Variants in HM13 observed in about 807,000 individuals in gnomAD.
HM13 encodes signal peptide peptidase.
HM13 carries 18 observed loss-of-function variants against 50.0 expected under a neutral mutation model. The ratio of observed to expected loss-of-function variants is 0.36; its 90% CI spans 0.25 to 0.53. HM13 has a LOEUF of 0.53. Among genes scored for constraint, HM13 ranks in the 20% least tolerant of loss-of-function variants. The probability of loss-of-function intolerance (pLI) is 0.90; values close to 1 mark genes in which losing one functional copy is unlikely to be tolerated. For missense variants in HM13, 393 were observed against 552.4 expected, an observed-to-expected ratio of 0.71 and a Z score of 2.89; for synonymous variants, 197 against 232.6, an observed-to-expected ratio of 0.85 and a Z score of 1.39.
In HM13 at chr20:31,549,260, G is replaced by T; in HGVS notation, c.594G>T (p.Glu198Asp). Reference protein sequence around the residue: ...FGLAFSLNGVELLHLNNVSTG... With the variant: ...FGLAFSLNGVDLLHLNNVSTG... ...TGGCCTTCTCCCTTAATGGAGTAGAGCTCCTGCACCTCAACAATGTCAGCA... is the reference window on the plus strand; with the variant it reads ...TGGCCTTCTCCCTTAATGGAGTAGATCTCCTGCACCTCAACAATGTCAGCA... The change falls in exon 6 of 13, where the codon GAG becomes GAT. Residue 198 changes from glutamate (E) to aspartate (D), a missense_variant. By Grantham distance (45) the Glu-to-Asp change is conservative (BLOSUM62 2). This residue lies in a region of HM13 where 214 missense variants were observed against 276.1 expected (regional missense o/e 0.77). Coordinates refer to ENST00000398174, the MANE Select transcript of HM13 (RefSeq NM_178581.3). 1.9e-6 allele frequency: 3 copies of T among 1,614,190 alleles called. No homozygotes were observed. Among genetic ancestry groups the T allele is most frequent in the Non-Finnish European group, 2.5e-6 (3 of 1,180,038 alleles).
chr20:31,515,719 C>T (rs971251406), intron 1 of HM13, among the ~76,000 whole-genome samples: 1 of 152,130 alleles, frequency 6.6e-6, no homozygotes, highest in African/African-American at 2.4e-5. Flanking sequence ...TCTGCTTCTC[C>T]CTCCCCCTTC....
intron 3 of HM13, chr20:31,541,641 G>A (rs1983456191): frequency 6.6e-6 from 1 of 152,156 alleles, no homozygotes; most frequent in Non-Finnish European, 1.5e-5. Flanking sequence ...AAAAAGAACT[G>A]AATCCAGTGA....
At chr20:31,526,473 C>T (rs1982500087) in intron 1 of HM13, among the ~76,000 whole-genome samples, 1 of 152,096 alleles carries the variant, frequency 6.6e-6, no homozygotes, top group African/African-American at 2.4e-5. Flanking sequence ...GGCATAAATT[C>T]TATGAAGCTA....
At chr20:31,560,176 G>C (rs1984528335) in intron 9 of HM13, among the ~76,000 whole-genome samples, 1 of 152,184 alleles carries the variant, frequency 6.6e-6, no homozygotes, top group Non-Finnish European at 1.5e-5. Flanking sequence ...AGGGGGAGAA[G>C]GTGGGCAACT....
chr20:31,554,333 G>A (rs1195389399), intron 7 of HM13, among the ~76,000 whole-genome samples: 1 of 150,500 alleles, frequency 6.6e-6, no homozygotes, highest in Non-Finnish European at 1.5e-5. Context: ...CTGCACTCCC[G>A]ATTACAGTCC....
At chr20:31,542,058 AGGAGAGG>A (rs1983477596) in intron 3 of HM13, among the ~76,000 whole-genome samples, 2 of 152,368 alleles carry the variant, frequency 1.3e-5, no homozygotes, top group East Asian at 3.9e-4. Flanking sequence ...GGACTGGCAG[AGGAGAGG>A]CCTGCTGAAA....
chr20:31,538,389 A>T, intron 3 of HM13, 128 bp downstream of exon 3: 2 of 1,558,762 alleles, frequency 1.3e-6, no homozygotes, highest in Non-Finnish European at 8.7e-7. Context: ...AACTCAAGGG[A>T]CTCTTTCCCC....
chr20:31,524,895 A>G (rs370099676), intron 1 of HM13, among the ~76,000 whole-genome samples: 8 of 151,572 alleles, frequency 5.3e-5, no homozygotes, highest in African/African-American at 1.9e-4. Context: ...TTCTATTTTT[A>G]GTAGAGATGG....
rs1379592238 is a variant in HM13 at position 31,569,099 on chromosome 20, TG to T, written c.1182-20del. 12 of 1,388,496 alleles carry T rather than the reference TG, an allele frequency of 8.6e-6. No individual in the cohort carries two copies. In the African/African-American group the frequency reaches 1.2e-4, roughly 14 times the overall value. The allele number at this position is 1,388,496 out of a possible 1,614,324, so 86.0% of individuals were successfully genotyped here. A position where few individuals can be genotyped will look rare whatever the true frequency, so the allele number is the denominator to read the frequency against. On this transcript the variant is annotated intron_variant, in intron 12 of 12. Transcript: ENST00000398174. ...TCTCCTCTAAATGAATTTTTATTGT[TG>T]TTTTTTTTTTTTTGGTCAGTTATGA...
chr20:31,550,905 G>T (rs1984006177), intron 7 of HM13, among the ~76,000 whole-genome samples: 2 of 152,120 alleles, frequency 1.3e-5, no homozygotes, highest in Admixed American at 1.3e-4. Flanking sequence ...TTGAGCCTGG[G>T]AGTTCCAGGC....
intron 3 of HM13, chr20:31,540,896 C>T (rs1341922027): frequency 6.6e-6 from 1 of 151,570 alleles, no homozygotes; most frequent in Non-Finnish European, 1.5e-5. Context: ...AGGAGAATCA[C>T]TTGAACCCAG....
intron 11 of HM13, among the ~76,000 whole-genome samples, chr20:31,567,274 C>G (rs1984977844): frequency 6.6e-6 from 1 of 152,172 alleles, no homozygotes; most frequent in African/African-American, 2.4e-5. Context: ...AGCACCCATC[C>G]TTCACCCTCC....
chr20:31,543,443 G>A (rs972998474), intron 3 of HM13, among the ~76,000 whole-genome samples: 1 of 151,994 alleles, frequency 6.6e-6, no homozygotes, highest in African/African-American at 2.4e-5. Flanking sequence ...CTGCCACCAC[G>A]CCGGGCTAAT....
In HM13 at chr20:31,521,603, C is replaced by T. The variant is rs780550095; in HGVS notation, c.184-5881C>T. 2.5e-4 allele frequency among the ~76,000 whole-genome samples: 38 copies of T among 151,972 alleles called. 1 individual carries two copies. The highest frequency in any genetic ancestry group is 4.3e-4 in the Non-Finnish European group (29 of 67,956). On this transcript the variant is annotated intron_variant, in intron 1 of 12. Coordinates refer to ENST00000398174, the MANE Select transcript of HM13 (RefSeq NM_178581.3). ...AATTAGCTGGGCGTGGTGGTACATG[C>T]CTGTAGTCCCAGCTACTCGGGAGGC...
At chr20:31,567,141 G>C (rs1984969599) in intron 11 of HM13, among the ~76,000 whole-genome samples, 1 of 152,124 alleles carries the variant, frequency 6.6e-6, no homozygotes, top group African/African-American at 2.4e-5. Context: ...CCCCCCGCCT[G>C]CCTGCCCACA....
At chr20:31,515,833 A>C (rs1282107643) in intron 1 of HM13, among the ~76,000 whole-genome samples, 1 of 151,774 alleles carries the variant, frequency 6.6e-6, no homozygotes, top group Non-Finnish European at 1.5e-5. Context: ...CTTAATCTGC[A>C]CCTTCCCGAT....
At chr20:31,527,409 A>G (rs894241622) in intron 1 of HM13, 75 bp from the exon 2 acceptor site, 1 of 1,006,508 alleles carries the variant, frequency 9.9e-7, no homozygotes, top group Non-Finnish European at 1.5e-6. Flanking sequence ...AGCCAAGGGA[A>G]TAGCATTAGC....
At chr20:31,558,080 CACAGGGTGTGCGT>C (rs1984413577) in intron 8 of HM13, among the ~76,000 whole-genome samples, 2 of 152,360 alleles carry the variant, frequency 1.3e-5, no homozygotes, top group Admixed American at 1.3e-4. Context: ...GGAGGCGACA[CACAGGGTGTGCGT>C]ATAGCACAGG....
intron 3 of HM13, chr20:31,540,745 C>T (rs776847148): frequency 6.6e-6 from 1 of 152,138 alleles, no homozygotes; most frequent in Non-Finnish European, 1.5e-5. Context: ...AATCGCAGCA[C>T]TTTGTGAGGC....
Sources: allele counts gnomAD v4.1 joint callset (sites outside exome capture counted in the v4.1 genomes callset), GRCh38; gene constraint gnomAD v4.1.1; regional missense constraint gnomAD v4.1.1; transcripts MANE v1.5; gene names NCBI Gene and HGNC (gene_info 2026-07-23, HGNC 2026-07-21).